The following CARD8 variants were observed in gnomAD, a reference collection of about 807,000 sequenced individuals.
CARD8 encodes caspase recruitment domain family member 8, also known as caspase recruitment domain-containing protein 8.
Under a neutral mutation model 53.2 loss-of-function variants are expected in CARD8, and 38 were observed. The ratio of observed to expected loss-of-function variants is 0.71; its 90% confidence interval spans 0.55 to 0.94. The LOEUF (loss-of-function observed/expected upper bound fraction) is 0.94, where lower values mean the gene tolerates loss of function less well. CARD8 is among the 40% of genes least tolerant of loss of function. CARD8 has a pLI of 0.00. For synonymous variants in CARD8, 245 were observed against 244.9 expected (o/e 1.00, Z 0.00); for missense variants, 561 against 655.5 (o/e 0.86, Z 1.57).
At position 48,234,445 on chromosome 19, in the gene CARD8, C is replaced by T. The variant is rs536343060; in HGVS notation, c.308G>A (p.Arg103His). The T allele has an allele frequency of 2.7e-5, 44 of 1,613,646 alleles. No homozygotes were observed. Among genetic ancestry groups the T allele is most frequent in the Admixed American group, 6.7e-5 (4 of 59,954 alleles). The change falls in exon 6 of 14, where the codon CGT becomes CAT. Residue 103 changes from arginine (R) to histidine (H), a missense_variant. Arg to His is a conservative substitution (Grantham distance 29). Coordinates refer to ENST00000651546, the MANE Select transcript of CARD8 (RefSeq NM_001184900.3). ...AGATAGTTGACACTCAGGAACAGCACGGAACAATAATGGCTCTGCCTCTGT... is the reference window on the plus strand; with the variant it reads ...AGATAGTTGACACTCAGGAACAGCATGGAACAATAATGGCTCTGCCTCTGT... Reference protein sequence around the residue: ...DETEAEPLLFRAVPECQLSGG... With the variant: ...DETEAEPLLFHAVPECQLSGG...
chr19:48,248,749 T>C (rs2046516973), intron 3 of CARD8, among the ~76,000 whole-genome samples: 1 of 152,262 alleles, frequency 6.6e-6, no homozygotes, highest in Non-Finnish European at 1.5e-5. Context: ...AAAAAGTCCA[T>C]TGTATTATGG....
chr19:48,214,799 T>G (rs2038906108), intron 13 of CARD8, among the ~76,000 whole-genome samples: 1 of 53,014 alleles, frequency 1.9e-5, no homozygotes, highest in African/African-American at 5.5e-5. Context: ...TTTTTTTTTT[T>G]TTTTGTAGAC....
At position 48,211,841 on chromosome 19, in the gene CARD8, G is replaced by T. The variant is rs146657505; in HGVS notation, c.1483C>A (p.Arg495=). Residue 495 remains arginine (R), a synonymous_variant, in exon 14 of 14, where the codon CGG becomes AGG. Coordinates refer to ENST00000651546, the MANE Select transcript of CARD8 (RefSeq NM_001184900.3). Reference sequence around the variant, plus strand: ...AGCAAGGCCTCATTCTTGCTCTGCCGTGTCTTTTCCTGCTCCACCAGCTCC... The same window carrying T: ...AGCAAGGCCTCATTCTTGCTCTGCCTTGTCTTTTCCTGCTCCACCAGCTCC... ...EKELVEQEKT[R]QSKNEALLSM... 6.2e-7 allele frequency: 1 copy of T among 1,614,076 alleles called. No homozygotes were observed. The highest frequency in any genetic ancestry group is 1.7e-5 in the Admixed American group (1 of 60,008).
At chr19:48,248,612 A>C (rs939921185) in intron 3 of CARD8, among the ~76,000 whole-genome samples, 16 of 152,232 alleles carry the variant, frequency 1.1e-4, no homozygotes, top group African/African-American at 3.9e-4. Flanking sequence ...AATGTGTAGC[A>C]ATGGAAACTC....
chr19:48,214,978 G>A (rs1198348836), intron 13 of CARD8, among the ~76,000 whole-genome samples: 5 of 151,674 alleles, frequency 3.3e-5, no homozygotes, highest in African/African-American at 1.2e-4. Context: ...AAGTAGAGAT[G>A]GGGATTTCAC....
intron 5 of CARD8, 71 bp downstream of exon 5, chr19:48,238,312 T>C (rs2146536019): frequency 6.7e-7 from 1 of 1,487,586 alleles, no homozygotes; most frequent in Non-Finnish European, 8.9e-7. Context: ...TTGCTTCTTA[T>C]GAATGTACAT....
chr19:48,226,488 G>T (rs1050682469), intron 10 of CARD8, among the ~76,000 whole-genome samples: 1 of 152,138 alleles, frequency 6.6e-6, no homozygotes, highest in Non-Finnish European at 1.5e-5. Flanking sequence ...GCCTCCCAAA[G>T]TGCTGAGATT....
rs574412446 is a variant in CARD8 at position 48,209,668 on chromosome 19, T to C, written c.*2042A>G. Reference sequence around the variant, plus strand: ...ATATTGATTGATTCAACATAAATACTATGGTTTATTTCTAGATGGCAAGGA... The same window carrying C: ...ATATTGATTGATTCAACATAAATACCATGGTTTATTTCTAGATGGCAAGGA... On this transcript the variant is annotated 3_prime_UTR_variant, in exon 14 of 14. Transcript: ENST00000651546. 7 of 152,354 alleles carry C rather than the reference T, an allele frequency of 4.6e-5. No individual in the cohort carries two copies. In the East Asian group the frequency reaches 1.1e-3, roughly 25 times the overall value. 9.4% of individuals were successfully genotyped at this position (152,354 alleles called of 1,614,324 possible).
chr19:48,211,725 T>C lies in CARD8; in HGVS notation c.1599A>G (p.Arg533=), dbSNP rs1193213910. The change falls in exon 14 of 14, where the codon AGA becomes AGG. Residue 533 remains arginine (R), a synonymous_variant. Transcript: ENST00000651546. The part of the protein sequence containing the change: ...ERDPYLVSYL[R]QQNL ...CTGACTCATTTTACAAATTCTGCTG[T>C]CTAAGATAGGACACGAGGTAAGGGT... The C allele has an allele frequency of 6.2e-7, 1 of 1,614,096 alleles. No homozygotes were observed. Among genetic ancestry groups the C allele is most frequent in the Admixed American group, 1.7e-5 (1 of 60,018 alleles).
chr19:48,232,109 T>C (rs752656198), intron 7 of CARD8: 22 of 546,728 alleles, frequency 4.0e-5, no homozygotes, highest in Admixed American at 2.4e-4. Flanking sequence ...CCTACATTTC[T>C]ACTGGTCCGA....
downstream of CARD8, among the ~76,000 whole-genome samples, chr19:48,207,924 C>T (rs1290926687): frequency 1.3e-5 from 2 of 151,238 alleles, no homozygotes; most frequent in Non-Finnish European, 3.0e-5. Context: ...TTAGTAGAGA[C>T]GGGGTTTCAC....
intron 4 of CARD8, among the ~76,000 whole-genome samples, chr19:48,238,821 C>T (rs1176662850): frequency 6.6e-6 from 1 of 152,186 alleles, no homozygotes; most frequent in East Asian, 1.9e-4. Context: ...CTTAGAGATG[C>T]CCATTCTTAG....
intron 3 of CARD8, among the ~76,000 whole-genome samples, chr19:48,241,527 T>C (rs192946594): frequency 3.7e-4 from 57 of 152,334 alleles, no homozygotes; most frequent in Admixed American, 2.7e-3. Context: ...AAGTGCCGGA[T>C]TGCAGGCGTG....
In CARD8 at chr19:48,230,597, T is replaced by G. The variant is rs1419006489; in HGVS notation, c.876A>C (p.Glu292Asp). The G allele has an allele frequency of 6.2e-7, 1 of 1,613,978 alleles. No individual in the cohort carries two copies. Among genetic ancestry groups the G allele is most frequent in the Non-Finnish European group, 8.5e-7 (1 of 1,180,020 alleles). ...ARVEPFYAVL[E>D]SPSFSLMGIL... ...TGCCCATCAGAGAGAAGCTGGGGCTTTCCAGGACAGCATAGAAAGGCTCCA... is the reference window on the plus strand; with the variant it reads ...TGCCCATCAGAGAGAAGCTGGGGCTGTCCAGGACAGCATAGAAAGGCTCCA... The change falls in exon 10 of 14, where the codon GAA (glutamate) becomes GAC (aspartate). Residue 292 changes from glutamate (E) to aspartate (D), a missense_variant. By Grantham distance (45) the Glu-to-Asp change is conservative. Transcript: ENST00000651546.
intron 5 of CARD8, among the ~76,000 whole-genome samples, chr19:48,235,896 G>A (rs1410647627): frequency 6.6e-6 from 1 of 151,338 alleles, no homozygotes; most frequent in Non-Finnish European, 1.5e-5. Context: ...GACAACTTTT[G>A]TCTAAAAAAA....
chr19:48,231,880 G>T, intron 7 of CARD8, 70 bp from the exon 8 acceptor site: 1 of 1,393,754 alleles, frequency 7.2e-7, no homozygotes, highest in Non-Finnish European at 1.0e-6. Context: ...GACTCCTGGA[G>T]GCTGAATTGC....
At chr19:48,229,160 A>C (rs1373099217) in intron 10 of CARD8, among the ~76,000 whole-genome samples, 1 of 152,180 alleles carries the variant, frequency 6.6e-6, no homozygotes. Flanking sequence ...AGAAAAGAAA[A>C]GAAAAAGAAC....
At chr19:48,225,901 A>C (rs2041674881) in intron 10 of CARD8, among the ~76,000 whole-genome samples, 1 of 151,898 alleles carries the variant, frequency 6.6e-6, no homozygotes, top group South Asian at 2.1e-4. Context: ...AAAAATACGA[A>C]AATTAGCCGG....
intron 10 of CARD8, among the ~76,000 whole-genome samples, chr19:48,228,326 C>A (rs1447865758): frequency 1.3e-5 from 2 of 152,230 alleles, no homozygotes; most frequent in Non-Finnish European, 2.9e-5. Context: ...AAACCATTCA[C>A]CACCCTGGTC....
Sources: allele counts gnomAD v4.1 joint callset (sites outside exome capture counted in the v4.1 genomes callset), GRCh38; gene constraint gnomAD v4.1.1; transcripts MANE v1.5; gene names NCBI Gene and HGNC (gene_info 2026-07-23, HGNC 2026-07-21).